The following PLOD1 variants were observed in gnomAD, a reference collection of about 807,000 sequenced individuals.
The protein encoded by PLOD1 is lysine hydroxylase.
Under a neutral mutation model 94.7 loss-of-function variants are expected in PLOD1, and 70 were observed. The observed-to-expected ratio is 0.74, with a 90% CI of 0.61 to 0.90. The LOEUF is 0.90. Among genes scored for constraint, PLOD1 ranks in the 40% least tolerant of loss-of-function variants. The pLI is 0.00. For missense variants in PLOD1, 905 were observed against 972.7 expected (o/e 0.93, Z 0.93); for synonymous variants, 417 against 400.2 (o/e 1.04, Z -0.50).
Position 11,975,156 on chromosome 1 carries a change from T to G in PLOD1, c.*348T>G. The G allele has an allele frequency of 8.4e-6, 3 of 355,774 alleles. No individual in the cohort carries two copies. The highest frequency in any genetic ancestry group is 2.6e-5 in the South Asian group (1 of 38,236). 22.0% of individuals were successfully genotyped at this position (355,774 alleles called of 1,614,324 possible). ...GTGAGACTTGAGCAGAACAGGGGCT[T>G]CCCCAAGTTGCCCAGAAAGACTGTC... On this transcript the variant is annotated 3_prime_UTR_variant, in exon 19 of 19. Transcript: ENST00000196061.
At chr1:11,936,507 C>G (rs1645579608) in intron 1 of PLOD1, among the ~76,000 whole-genome samples, 1 of 151,740 alleles carries the variant, frequency 6.6e-6, no homozygotes, top group Non-Finnish European at 1.5e-5. Flanking sequence ...TGGGAACCAC[C>G]ATTTATTTTA....
In PLOD1 at chr1:11,954,969, G is replaced by A. The variant is rs2273287; in HGVS notation, c.643+76G>A. ...AATTCCAGGCAGGGCCCGAGCCCAG[G>A]GAGGAGAAATGGGCTGCTTCTTTCT... is the stretch of plus-strand genomic sequence containing the variant. On this transcript the variant is annotated intron_variant, in intron 6 of 18. Coordinates refer to ENST00000196061, the MANE Select transcript of PLOD1 (RefSeq NM_000302.4). 220 of 1,196,570 alleles carry A rather than the reference G, an allele frequency of 1.8e-4. 5 individuals are homozygous for A. In the East Asian group the frequency reaches 5.1e-3, roughly 28 times the overall value. The allele number at this position is 1,196,570 out of a possible 1,614,324, so 74.1% of individuals were successfully genotyped here.
At chr1:11,948,439 A>G (rs547414511) in intron 2 of PLOD1, among the ~76,000 whole-genome samples, 11 of 152,296 alleles carry the variant, frequency 7.2e-5, no homozygotes, top group African/African-American at 2.6e-4. Context: ...ACACTGCTCT[A>G]AAGAAACATG....
chr1:11,959,228 T>C (rs191044679), intron 9 of PLOD1, among the ~76,000 whole-genome samples: 216 of 151,412 alleles, frequency 1.4e-3, no homozygotes, highest in African/African-American at 5.2e-3. Context: ...AATAAATAAA[T>C]AAATAAATAA....
intron 16 of PLOD1, among the ~76,000 whole-genome samples, chr1:11,968,419 G>A (rs997288936): frequency 6.6e-6 from 1 of 151,994 alleles, no homozygotes; most frequent in Non-Finnish European, 1.5e-5. Context: ...TTTCACAGAA[G>A]AGAAACTGCA....
intron 1 of PLOD1, among the ~76,000 whole-genome samples, chr1:11,939,316 CCT>C (rs1645600312): frequency 6.6e-6 from 1 of 152,066 alleles, no homozygotes; most frequent in Non-Finnish European, 1.5e-5. Context: ...CCTGCCAGAC[CCT>C]GTTCCTGGCT....
intron 16 of PLOD1, 120 bp from the exon 17 acceptor site, chr1:11,970,550 C>T (rs1645854065): frequency 1.1e-6 from 1 of 902,152 alleles, no homozygotes; most frequent in African/African-American, 1.6e-5. Context: ...TCTGCAAAGC[C>T]TGTTCAGTTT....
At chr1:11,938,845 C>T (rs1323883978) in intron 1 of PLOD1, among the ~76,000 whole-genome samples, 1 of 152,100 alleles carries the variant, frequency 6.6e-6, no homozygotes, top group African/African-American at 2.4e-5. Context: ...CACCTCACTT[C>T]AGTAGACACC....
intron 16 of PLOD1, among the ~76,000 whole-genome samples, chr1:11,969,490 C>G (rs1289760206): frequency 6.6e-6 from 1 of 152,204 alleles, no homozygotes; most frequent in African/African-American, 2.4e-5. Context: ...CCCGTGCATT[C>G]TGGGGGCTGG....
rs1467980899 is a variant in PLOD1, at chr1:11,964,645, G to T, written c.1330G>T (p.Gly444Cys). 2 of 1,612,668 alleles carry T rather than the reference G, an allele frequency of 1.2e-6. No individual in the cohort carries two copies. Among genetic ancestry groups the T allele is most frequent in the Non-Finnish European group, 1.7e-6 (2 of 1,179,954 alleles). Reference protein sequence around the residue: ...YVDIVQGRRVGVWNVPYISNI... With the variant: ...YVDIVQGRRVCVWNVPYISNI... ...ACCCGCTTTCTGTCTCTCCCACAGT[G>T]GTGTCTGGAATGTGCCCTATATTTC... Residue 444 changes from glycine to cysteine, a missense_variant and splice_region_variant, in exon 13 of 19, where the codon GGT becomes TGT. Physicochemically the swap from Gly to Cys is radical, Grantham distance 159. Coordinates refer to ENST00000196061, the MANE Select transcript of PLOD1 (RefSeq NM_000302.4).
rs1206611993 is a variant in PLOD1 at position 11,958,113 on chromosome 1, G to T, written c.843+170G>T. 6.6e-6 allele frequency among the ~76,000 whole-genome samples: 1 copy of T among 152,082 alleles called. No individual in the cohort carries two copies. The highest frequency in any genetic ancestry group is 2.4e-5 in the African/African-American group (1 of 41,396). On this transcript the variant is annotated intron_variant, in intron 8 of 18. Coordinates refer to ENST00000196061, the MANE Select transcript of PLOD1 (RefSeq NM_000302.4). This position sits in a 1 kb window ranked among gnomAD's most constrained non-coding sequence, Gnocchi z 4.3. ...GCCACCCAAGTGCCTCCTCCTGGAA[G>T]CCCTCTCAGATTGCATGTCTCTAGC...
At chr1:11,974,617 G>T (rs369935958) in intron 18 of PLOD1, 36 bp from the exon 19 acceptor site, 1 of 1,597,686 alleles carries the variant, frequency 6.3e-7, no homozygotes, top group Admixed American at 1.7e-5. Flanking sequence ...GCAGGGGGGC[G>T]GTGGGGAAAG....
intron 5 of PLOD1, among the ~76,000 whole-genome samples, chr1:11,953,736 G>A (rs1413516138): frequency 6.6e-6 from 1 of 151,598 alleles, no homozygotes; most frequent in Non-Finnish European, 1.5e-5. Flanking sequence ...AGGTTGCAGT[G>A]AGCCGAGATT....
At chr1:11,946,852 C>A (rs1038483896) in intron 1 of PLOD1, among the ~76,000 whole-genome samples, 3 of 152,220 alleles carry the variant, frequency 2.0e-5, no homozygotes, top group African/African-American at 4.8e-5. Flanking sequence ...GCAGGCTGTA[C>A]AAGCATACCA....
chr1:11,940,723 TG>T (rs1213732847), intron 1 of PLOD1, among the ~76,000 whole-genome samples: 2 of 152,282 alleles, frequency 1.3e-5, no homozygotes, highest in Non-Finnish European at 2.9e-5. Context: ...TGCCAGGCCT[TG>T]GCCTTAGCCC....
rs1370498586 is a variant in PLOD1, at chr1:11,958,539, G to C, written c.867G>C (p.Leu289=). 1 of 1,613,760 alleles carries C rather than the reference G, an allele frequency of 6.2e-7. No homozygotes were observed. The highest frequency in any genetic ancestry group is 1.3e-5 in the African/African-American group (1 of 74,910). Residue 289 remains leucine, a synonymous_variant, in exon 9 of 19, where the codon CTG becomes CTC. Coordinates refer to ENST00000196061, the MANE Select transcript of PLOD1 (RefSeq NM_000302.4). This position sits in a 1 kb window ranked among gnomAD's most constrained non-coding sequence, Gnocchi z 4.3. ...GIGDEALPTV[L]VGVFIEQPTP... ...AGGATGAAGCTCTGCCCACGGTCCT[G>C]GTCGGCGTGTTCATCGAACAGCCCA...
intron 1 of PLOD1, among the ~76,000 whole-genome samples, chr1:11,936,910 C>T (rs1016331592): frequency 2.7e-5 from 4 of 148,524 alleles, no homozygotes; most frequent in East Asian, 2.0e-4. Context: ...TCCAATGGTG[C>T]GATCTCAGCT....
intron 17 of PLOD1, 87 bp downstream of exon 17, chr1:11,970,903 G>T: frequency 1.4e-5 from 13 of 955,500 alleles, no homozygotes; most frequent in East Asian, 4.0e-5. Flanking sequence ...GGTAGGGTGG[G>T]AGGTGGAGAA....
chr1:11,973,670 C>A (rs1645882166), intron 18 of PLOD1, among the ~76,000 whole-genome samples: 1 of 151,686 alleles, frequency 6.6e-6, no homozygotes, highest in Non-Finnish European at 1.5e-5. Flanking sequence ...GCCTCAACCT[C>A]CTGGGCCCAA....
Sources: allele counts gnomAD v4.1 joint callset (sites outside exome capture counted in the v4.1 genomes callset), GRCh38; gene constraint gnomAD v4.1.1; non-coding constraint Gnocchi (gnomAD v3.1); transcripts MANE v1.5; gene names NCBI Gene and HGNC (gene_info 2026-07-23, HGNC 2026-07-21).